The following TDRD12 variants were observed in gnomAD, a reference collection of about 807,000 sequenced individuals.
TDRD12 encodes the protein putative ATP-dependent RNA helicase TDRD12.
Under a neutral mutation model 133.5 loss-of-function variants are expected in TDRD12, and 158 were observed. The ratio of observed to expected loss-of-function variants is 1.18; its 90% CI spans 1.04 to 1.35. The LOEUF (loss-of-function observed/expected upper bound fraction) is 1.35, where lower values mean the gene tolerates loss of function less well. Among genes scored for constraint, TDRD12 ranks in the 40% most tolerant of loss-of-function variants. The pLI is 0.00. For missense variants in TDRD12, 1,443 were observed against 1,321.3 expected (o/e 1.09, Z -1.43); for synonymous variants, 460 against 477.9 (o/e 0.96, Z 0.49).
intron 7 of TDRD12, among the ~76,000 whole-genome samples, chr19:32,756,387 C>G (rs1267715975): frequency 6.7e-6 from 1 of 148,462 alleles, no homozygotes; most frequent in African/African-American, 2.5e-5. Flanking sequence ...AAACTGCCCT[C>G]GATTTCTGTT....
chr19:32,817,219 C>T (rs1967210701), intron 26 of TDRD12, among the ~76,000 whole-genome samples: 1 of 152,182 alleles, frequency 6.6e-6, no homozygotes, highest in Admixed American at 6.5e-5. Context: ...ACCATCATCG[C>T]TATCCATCTC....
At chr19:32,777,086 A>G in intron 10 of TDRD12, 63 bp from the exon 11 acceptor site, 1 of 993,502 alleles carries the variant, frequency 1.0e-6, no homozygotes. Context: ...CGAGATGGGG[A>G]CTCACTGTGT....
In TDRD12 at chr19:32,810,333, G is replaced by A. The variant is rs535481366; in HGVS notation, c.2837+56G>A. The A allele has an allele frequency of 3.6e-5, 50 of 1,387,794 alleles. 1 individual carries two copies. The African/African-American group carries it at 6.4e-4, about 18-fold the overall frequency. The allele number at this position is 1,387,794 out of a possible 1,614,324, so 86.0% of individuals were successfully genotyped here. On this transcript the variant is annotated intron_variant, in intron 23 of 27. Transcript: ENST00000444215. ...TTTTGAAGCATGAGGTAACTAAGTG[G>A]TGTTGAGTTCCGATTTTGACCTCTG...
chr19:32,752,913 C>T (rs1369358121), intron 6 of TDRD12, among the ~76,000 whole-genome samples: 1 of 151,688 alleles, frequency 6.6e-6, no homozygotes, highest in Non-Finnish European at 1.5e-5. Flanking sequence ...CTGCCTCAAC[C>T]TCCCGAGTAG....
intron 2 of TDRD12, among the ~76,000 whole-genome samples, chr19:32,733,799 T>C (rs1969133839): frequency 6.6e-6 from 1 of 152,168 alleles, no homozygotes; most frequent in South Asian, 2.1e-4. Context: ...ATTCTTCTGT[T>C]ATAGAACTTT....
chr19:32,750,634 TC>T (rs1410631440), intron 6 of TDRD12, among the ~76,000 whole-genome samples: 1 of 152,136 alleles, frequency 6.6e-6, no homozygotes, highest in African/African-American at 2.4e-5. Flanking sequence ...CCGGCTGATT[TC>T]CTTTTTCTGA....
intron 1 of TDRD12, among the ~76,000 whole-genome samples, chr19:32,728,798 A>G (rs984392033): frequency 6.3e-5 from 9 of 143,782 alleles, no homozygotes; most frequent in Non-Finnish European, 1.0e-4. Context: ...GGTGCCCACC[A>G]CCACACCTGG....
chr19:32,748,490 G>C (rs1169016982), exon 5 of TDRD12: 1 of 1,551,764 alleles, frequency 6.4e-7, no homozygotes, highest in South Asian at 1.2e-5. Flanking sequence ...GCCAAGAAGT[G>C]GGACAATGCA....
intron 6 of TDRD12, among the ~76,000 whole-genome samples, chr19:32,755,770 A>C (rs576475448): frequency 3.9e-5 from 6 of 152,332 alleles, no homozygotes; most frequent in Non-Finnish European, 7.3e-5. Context: ...GTCCAAGAAG[A>C]CATCTCATGT....
Position 32,800,785 on chromosome 19 carries a change from C to T in TDRD12, c.2079+13C>T. 6.6e-7 allele frequency: 1 copy of T among 1,506,588 alleles called. No homozygotes were observed. The highest frequency in any genetic ancestry group is 1.4e-5 in the African/African-American group (1 of 71,290). 93.3% of individuals were successfully genotyped at this position (1,506,588 alleles called of 1,614,324 possible). A position where few individuals can be genotyped will look rare whatever the true frequency, so the allele number is the denominator to read the frequency against. ...AATAGTGTGTAAGGTGAGTCCATCT[C>T]CATATAAAAAATGTTCTGTTTGTTT... On this transcript the variant is annotated intron_variant, in intron 18 of 27. Coordinates refer to ENST00000444215, the Ensembl canonical transcript of TDRD12.
chr19:32,726,557 C>T (rs1245603150), intron 1 of TDRD12, among the ~76,000 whole-genome samples: 1 of 152,088 alleles, frequency 6.6e-6, no homozygotes, highest in African/African-American at 2.4e-5. Flanking sequence ...ATAATGTCCT[C>T]AGGGTTCATT....
At chr19:32,734,411 C>T (rs1165960397) in intron 2 of TDRD12, among the ~76,000 whole-genome samples, 1 of 151,146 alleles carries the variant, frequency 6.6e-6, no homozygotes, top group Non-Finnish European at 1.5e-5. Flanking sequence ...CACTCTGTCA[C>T]CCAGGCTGGA....
intron 8 of TDRD12, among the ~76,000 whole-genome samples, chr19:32,769,123 A>G (rs1970375446): frequency 6.6e-6 from 1 of 152,068 alleles, no homozygotes; most frequent in Non-Finnish European, 1.5e-5. Context: ...CATTTTCTTA[A>G]TGGTATTTTT....
intron 3 of TDRD12, among the ~76,000 whole-genome samples, chr19:32,739,543 A>G (rs190734017): frequency 6.5e-5 from 8 of 122,180 alleles, no homozygotes; most frequent in Non-Finnish European, 9.7e-5. Flanking sequence ...CTCTCTTTGC[A>G]TCTCCTGGGG....
At chr19:32,799,713 C>G (rs1186578390) in intron 16 of TDRD12, among the ~76,000 whole-genome samples, 1 of 139,242 alleles carries the variant, frequency 7.2e-6, no homozygotes, top group Non-Finnish European at 1.6e-5. Flanking sequence ...ACATTTTCTC[C>G]TATTTAGTTT....
At chr19:32,726,818 C>T (rs1446542410) in intron 1 of TDRD12, among the ~76,000 whole-genome samples, 4 of 152,174 alleles carry the variant, frequency 2.6e-5, no homozygotes, top group Non-Finnish European at 5.9e-5. Flanking sequence ...TTCTGTACCA[C>T]ATTTTGCTTA....
At chr19:32,722,420 C>G (rs1968713612) in intron 1 of TDRD12, among the ~76,000 whole-genome samples, 2 of 152,122 alleles carry the variant, frequency 1.3e-5, no homozygotes, top group South Asian at 4.1e-4. Flanking sequence ...AGCTCACCCC[C>G]TGAGCAAATT....
chr19:32,740,138 T>C (rs1475086055), intron 3 of TDRD12, among the ~76,000 whole-genome samples: 1 of 132,316 alleles, frequency 7.6e-6, no homozygotes, highest in African/African-American at 2.9e-5. Context: ...ATCTCCTGGG[T>C]GCTCTCTGCA....
chr19:32,748,381 G>A, intron 4 of TDRD12, 95 bp from the exon 5 acceptor site: 2 of 1,235,128 alleles, frequency 1.6e-6, no homozygotes, highest in South Asian at 1.4e-5. Flanking sequence ...TCCATATGTA[G>A]TGTGAGAAAT....
Sources: allele counts gnomAD v4.1 joint callset (sites outside exome capture counted in the v4.1 genomes callset), GRCh38; gene constraint gnomAD v4.1.1; transcripts MANE v1.5; gene names NCBI Gene and HGNC (gene_info 2026-07-23, HGNC 2026-07-21).